TEKT5: variants seen among roughly 807,000 people sequenced by gnomAD.
The protein encoded by TEKT5 is tektin 5.
In TEKT5, 52 loss-of-function variants were observed where a neutral mutation model predicts 48.7. The observed-to-expected ratio is 1.07, with a 90% CI of 0.86 to 1.35. The LOEUF is 1.35. Ranked by LOEUF, TEKT5 falls within the 40% of genes most tolerant of loss-of-function variation. The pLI, the probability that TEKT5 is intolerant of heterozygous loss-of-function variation, is 0.00. For missense variants in TEKT5, 831 were observed against 641.6 expected (o/e 1.30, Z -3.19); for synonymous variants, 318 against 267.6 (o/e 1.19, Z -1.84).
At chr16:10,676,326 C>G in intron 4 of TEKT5, 145 bp from the exon 5 acceptor site, 1 of 780,704 alleles carries the variant, frequency 1.3e-6, no homozygotes, top group South Asian at 1.7e-5. Flanking sequence ...AGCAGCATCC[C>G]TGGCCTCTAC....
intron 4 of TEKT5, among the ~76,000 whole-genome samples, chr16:10,681,560 T>C (rs1009889135): frequency 5.9e-5 from 9 of 151,970 alleles, no homozygotes; most frequent in African/African-American, 2.2e-4. Context: ...CCGACCCCAG[T>C]TGGTCTCCCT....
At chr16:10,673,937 C>T (rs1414670223) in intron 5 of TEKT5, among the ~76,000 whole-genome samples, 1 of 152,090 alleles carries the variant, frequency 6.6e-6, no homozygotes, top group Non-Finnish European at 1.5e-5. Context: ...CAGCCGTGAA[C>T]CACCACGCCC....
chr16:10,689,204 C>T, intron 3 of TEKT5, 49 bp downstream of exon 3: 1 of 1,528,844 alleles, frequency 6.5e-7, no homozygotes, highest in Non-Finnish European at 8.9e-7. Flanking sequence ...TCTGAGAGTC[C>T]TAAAACAAAC....
At chr16:10,655,981 T>C (rs1268288420) in intron 5 of TEKT5, among the ~76,000 whole-genome samples, 2 of 152,220 alleles carry the variant, frequency 1.3e-5, no homozygotes, top group Non-Finnish European at 2.9e-5. Flanking sequence ...TGAGTTGTCA[T>C]ATATGACCAA....
chr16:10,676,264 T>C, intron 4 of TEKT5, 83 bp from the exon 5 acceptor site: 1 of 1,332,776 alleles, frequency 7.5e-7, no homozygotes, highest in East Asian at 2.4e-5. Context: ...TCTTGGCCTC[T>C]GGGTCGGGAT....
In TEKT5 at chr16:10,689,253, C is replaced by A; in HGVS notation, c.719G>T (p.Arg240Leu). ...KLAQRIDIQM[R>L]DNRDAQHVLE... ...AATTAAAAAAAAAAAAAGCCCTTACCGCATCTGGATATCAATTCTTTGAGC... is the reference window on the plus strand; with the variant it reads ...AATTAAAAAAAAAAAAAGCCCTTACAGCATCTGGATATCAATTCTTTGAGC... Residue 240 changes from arginine (R) to leucine (L), a missense_variant and splice_region_variant, in exon 3 of 7, where the codon CGG becomes CTG. By Grantham distance (102) the Arg-to-Leu change is moderately radical. Transcript: ENST00000283025. 1 of 1,602,876 alleles carries A rather than the reference C, an allele frequency of 6.2e-7. No homozygotes were observed. The highest frequency in any genetic ancestry group is 1.3e-5 in the African/African-American group (1 of 74,122).
At chr16:10,674,364 T>A (rs1021216391) in intron 5 of TEKT5, among the ~76,000 whole-genome samples, 5 of 152,146 alleles carry the variant, frequency 3.3e-5, no homozygotes, top group Admixed American at 2.6e-4. Context: ...CCAGTCATGG[T>A]GGCTCACGCC....
chr16:10,636,055 T>C (rs1052120927), intron 5 of TEKT5, 137 bp from the exon 6 acceptor site: 2 of 1,341,618 alleles, frequency 1.5e-6, no homozygotes, highest in African/African-American at 2.9e-5. Flanking sequence ...CTTGAGCACC[T>C]TTAGGGCAGG....
chr16:10,647,299 C>T (rs899859526), intron 5 of TEKT5, among the ~76,000 whole-genome samples: 2 of 151,610 alleles, frequency 1.3e-5, no homozygotes, highest in South Asian at 2.1e-4. Context: ...GAGACCCTGT[C>T]TCTACAAAAA....
chr16:10,631,275 AG>A (rs1567223222), intron 6 of TEKT5, among the ~76,000 whole-genome samples: 1,811 of 115,026 alleles, frequency 0.016, 55 homozygotes, highest in African/African-American at 0.055. Flanking sequence ...AAAAAAAAAG[AG>A]AGAGAGAGAG....
At position 10,640,862 on chromosome 16, in the gene TEKT5, T is replaced by TCC. The variant is rs146476990; in HGVS notation, c.1087-4945_1087-4944insGG. The stretch of plus-strand genomic sequence containing the variant: ...CCACCATATAGCTAGACCACAATTT[T>TCC]CATCTAGCCACCTGTTCATGGACAT... On this transcript the variant is annotated intron_variant, in intron 5 of 6. Transcript: ENST00000283025. Among the ~76,000 whole-genome samples the TCC allele has an allele frequency of 8.8e-3, 1,337 of 152,328 alleles. 19 individuals carry two copies. Among genetic ancestry groups the TCC allele is most frequent in the African/African-American group, 0.031 (1,287 of 41,566 alleles).
At position 10,694,328 on chromosome 16, in the gene TEKT5, C is replaced by T. The variant is rs1379323510; in HGVS notation, c.546G>A (p.Glu182=). ...TACTCACCTGCAATGGGCAGTTCAC[C>T]TCATTGGCCGCGCACTCCAGCCGCC... ...VKRRLECAAN[E]VNCPLQVALE... is the part of the protein sequence containing the mutation. Residue 182 remains glutamate, a synonymous_variant, in exon 1 of 7, where the codon GAG becomes GAA. Coordinates refer to ENST00000283025, the MANE Select transcript of TEKT5 (RefSeq NM_144674.2). 1 of 1,602,778 alleles carries T rather than the reference C, an allele frequency of 6.2e-7. No homozygotes were observed. Among genetic ancestry groups the T allele is most frequent in the African/African-American group, 1.3e-5 (1 of 74,926 alleles).
chr16:10,686,617 C>T (rs183466543), intron 3 of TEKT5, among the ~76,000 whole-genome samples: 9 of 152,186 alleles, frequency 5.9e-5, no homozygotes, highest in Middle Eastern at 3.4e-3. Flanking sequence ...TTACATCAAA[C>T]GAAAAAGCTT....
intron 5 of TEKT5, among the ~76,000 whole-genome samples, chr16:10,651,439 T>C (rs114491068): frequency 0.011 from 1,650 of 152,344 alleles, 28 homozygotes; most frequent in African/African-American, 0.038. Context: ...GGAGGGGTTT[T>C]GGTCTGTTTT....
At chr16:10,693,547 C>T (rs1042850242) in intron 1 of TEKT5, among the ~76,000 whole-genome samples, 3 of 152,258 alleles carry the variant, frequency 2.0e-5, no homozygotes, top group Admixed American at 6.5e-5. Context: ...CACAGACATA[C>T]AGGTGCCCTG....
Position 10,682,041 on chromosome 16 carries a change from G to T in TEKT5, c.815C>A (p.Thr272Lys). ...GTGGAAGAAGCTGATGCAGTCTGAC[G>T]TATTTCTCAGGTTAAAGCACTTCTC... ...IDEKCFNLRN[T>K]SDCISFFHGM... The change falls in exon 4 of 7, where the codon ACG becomes AAG. Residue 272 changes from threonine to lysine, a missense_variant. Transcript: ENST00000283025. 6.2e-7 allele frequency: 1 copy of T among 1,614,146 alleles called. No individual in the cohort carries two copies. The highest frequency in any genetic ancestry group is 8.5e-7 in the Non-Finnish European group (1 of 1,180,010).
intron 2 of TEKT5, among the ~76,000 whole-genome samples, chr16:10,689,579 A>G (rs567568402): frequency 6.6e-6 from 1 of 151,598 alleles, no homozygotes; most frequent in East Asian, 1.9e-4. Context: ...AGAATAAAAG[A>G]AAATTTAGCA....
chr16:10,664,296 A>G (rs1222889512), intron 5 of TEKT5, among the ~76,000 whole-genome samples: 1 of 152,138 alleles, frequency 6.6e-6, no homozygotes, highest in Non-Finnish European at 1.5e-5. Flanking sequence ...GAGGGAGGGA[A>G]CAACAGATAA....
Position 10,685,263 on chromosome 16 carries a change from G to A in TEKT5, c.720-3127C>T, listed in dbSNP as rs898889620. On this transcript the variant is annotated intron_variant, in intron 3 of 6. Transcript: ENST00000283025. ...TGCCTCAGTTGCTCTCATCTCTCTC[G>A]GTCTCTATCCAAGCTCAAGCATCTC... Among the ~76,000 whole-genome samples the A allele has an allele frequency of 5.3e-5, 8 of 151,836 alleles. No individual in the cohort carries two copies. In the East Asian group the frequency reaches 5.8e-4, roughly 11 times the overall value.
Sources: allele counts gnomAD v4.1 joint callset (sites outside exome capture counted in the v4.1 genomes callset), GRCh38; gene constraint gnomAD v4.1.1; transcripts MANE v1.5; gene names NCBI Gene and HGNC (gene_info 2026-07-23, HGNC 2026-07-21).